Variants in RGL1 observed in about 807,000 individuals in gnomAD.
RGL1 encodes ral guanine nucleotide dissociation stimulator-like 1.
RGL1 carries 24 observed loss-of-function variants against 95.2 expected under a neutral mutation model. The observed-to-expected ratio is 0.25, with a 90% CI of 0.18 to 0.35. RGL1 has a LOEUF of 0.35. Among genes scored for constraint, RGL1 ranks in the 10% least tolerant of loss-of-function variants. RGL1 has a pLI of 1.00. For synonymous variants in RGL1, 329 were observed against 344.9 expected (o/e 0.95, Z 0.51); for missense variants, 715 against 936.3 (o/e 0.76, Z 3.08).
At chr1:183,650,430 T>C (rs141962660) in intron 1 of RGL1, among the ~76,000 whole-genome samples, 12,439 of 151,890 alleles carry the variant, frequency 0.082, 1,003 homozygotes, top group African/African-American at 0.21. Flanking sequence ...GTAGTCCCAG[T>C]TACTCGGGAG....
rs1669647809 is a variant in RGL1 at position 183,926,966 on chromosome 1, C to T, written c.*674C>T. 6.6e-6 allele frequency: 1 copy of T among 152,610 alleles called. No homozygotes were observed. Among genetic ancestry groups the T allele is most frequent in the Admixed American group, 6.5e-5 (1 of 15,282 alleles). 9.5% of individuals were successfully genotyped at this position (152,610 alleles called of 1,614,324 possible). A position where few individuals can be genotyped will look rare whatever the true frequency, so the allele number is the denominator to read the frequency against. On this transcript the variant is annotated 3_prime_UTR_variant, in exon 18 of 18. Coordinates refer to ENST00000360851, the MANE Select transcript of RGL1 (RefSeq NM_001297671.3). ...CCACTTTCTGCTACCCTAGGGAGGC[C>T]AGGAGGAGCTTCGGAGGACCATCGC... is the stretch of plus-strand genomic sequence containing the variant.
At chr1:183,654,737 A>G (rs1651021126) in intron 1 of RGL1, among the ~76,000 whole-genome samples, 1 of 152,224 alleles carries the variant, frequency 6.6e-6, no homozygotes. Flanking sequence ...GTTAAGCCTA[A>G]AGAAACAGGA....
At chr1:183,641,955 ATAAT>A (rs1247246316) in intron 1 of RGL1, among the ~76,000 whole-genome samples, 1 of 152,230 alleles carries the variant, frequency 6.6e-6, no homozygotes, top group African/African-American at 2.4e-5. Flanking sequence ...ATATTTTCTT[ATAAT>A]TATTTTAGTA....
intron 2 of RGL1, among the ~76,000 whole-genome samples, chr1:183,828,317 C>T (rs577484737): frequency 4.6e-5 from 7 of 152,302 alleles, no homozygotes; most frequent in East Asian, 1.9e-4. Flanking sequence ...AATTTGCCTA[C>T]GATGATGTCT....
chr1:183,796,458 G>A (rs766644090), intron 2 of RGL1, among the ~76,000 whole-genome samples: 5 of 152,158 alleles, frequency 3.3e-5, no homozygotes, highest in East Asian at 3.9e-4. Flanking sequence ...CTCTGTGCCC[G>A]GCCTGTATCC....
Position 183,859,346 on chromosome 1 carries a change from A to T in RGL1, c.348-6650A>T, listed in dbSNP as rs533189201. On this transcript the variant is annotated intron_variant, in intron 3 of 17. Transcript: ENST00000360851. Reference sequence around the variant, plus strand: ...ACTTAAATAATTTTAAATCTGCGTGAGATATAAGTTGTGGCAGGAGAGAAC... The same window carrying T: ...ACTTAAATAATTTTAAATCTGCGTGTGATATAAGTTGTGGCAGGAGAGAAC... Among the ~76,000 whole-genome samples, 5 of 152,312 alleles carry T rather than the reference A, an allele frequency of 3.3e-5. No homozygotes were observed. The South Asian group carries it at 1.0e-3, about 32-fold the overall frequency.
rs189599701 is a variant in RGL1 at position 183,918,900 on chromosome 1, G to A, written c.2004+2199G>A. Among the ~76,000 whole-genome samples, 7 of 152,296 alleles carry A rather than the reference G, an allele frequency of 4.6e-5. No individual in the cohort carries two copies. In the East Asian group the frequency reaches 5.8e-4, roughly 13 times the overall value. ...TCAGGAGAAACCTTGCTCACAGGAC[G>A]TACCTTTCTGAAATGTATTATGCTG... On this transcript the variant is annotated intron_variant, in intron 16 of 17. Transcript: ENST00000360851.
chr1:183,685,862 C>A (rs577505362), intron 1 of RGL1, among the ~76,000 whole-genome samples: 2 of 152,216 alleles, frequency 1.3e-5, no homozygotes, highest in East Asian at 1.9e-4. Flanking sequence ...TAATGTTTAC[C>A]TATTCATTAG....
At chr1:183,659,203 C>T (rs1226455298) in intron 1 of RGL1, among the ~76,000 whole-genome samples, 13 of 152,282 alleles carry the variant, frequency 8.5e-5, no homozygotes, top group African/African-American at 2.4e-4. Context: ...CAAAGCTGGA[C>T]GGAGAATGAC....
At chr1:183,785,033 A>G (rs1222204184) in intron 2 of RGL1, among the ~76,000 whole-genome samples, 1 of 152,198 alleles carries the variant, frequency 6.6e-6, no homozygotes, top group Non-Finnish European at 1.5e-5. Context: ...GTTAAAATTT[A>G]TAAGCGGCTC....
rs551008973 is a variant in RGL1, at chr1:183,668,935, C to CTTTTTTTTT, written c.-33+32438_-33+32439insTTTTTTTTT. Among the ~76,000 whole-genome samples the CTTTTTTTTT allele has an allele frequency of 7.8e-5, 9 of 115,556 alleles. 3 individuals carry two copies. The highest frequency in any genetic ancestry group is 1.1e-4 in the Non-Finnish European group (6 of 55,452). The allele number at this position is 115,556 out of a possible 152,430, so 75.8% of individuals were successfully genotyped here. A position where few individuals can be genotyped will look rare whatever the true frequency, so the allele number is the denominator to read the frequency against. ...CTTTTTGCTTTTGGTATTGGACTTT[C>CTTTTTTTTT]TTTTCTTTTTTTTTTTTTTTGAGAT... On this transcript the variant is annotated intron_variant, in intron 1 of 18. Transcript: ENST00000304685.
At chr1:183,637,767 T>A (rs1649649622) in intron 1 of RGL1, among the ~76,000 whole-genome samples, 2 of 152,186 alleles carry the variant, frequency 1.3e-5, no homozygotes, top group East Asian at 3.8e-4. Context: ...CTGGTAAAAA[T>A]TCTCTTAGGA....
chr1:183,835,286 C>T (rs557797391), intron 2 of RGL1, among the ~76,000 whole-genome samples: 6 of 151,954 alleles, frequency 3.9e-5, no homozygotes, highest in Non-Finnish European at 7.4e-5. Flanking sequence ...TGGCTGTATC[C>T]CATAATCAAT....
intron 1 of RGL1, among the ~76,000 whole-genome samples, chr1:183,721,263 G>C (rs577869172): frequency 1.3e-5 from 2 of 152,248 alleles, no homozygotes; most frequent in East Asian, 3.9e-4. Flanking sequence ...TTATTTTCCT[G>C]TTTCCTCTGT....
At chr1:183,674,544 G>A (rs1332109472) in intron 1 of RGL1, among the ~76,000 whole-genome samples, 1 of 152,178 alleles carries the variant, frequency 6.6e-6, no homozygotes, top group Non-Finnish European at 1.5e-5. Flanking sequence ...ACTCTTGGCA[G>A]CCTTGATGGA....
intron 3 of RGL1, among the ~76,000 whole-genome samples, chr1:183,851,975 T>G (rs1224211952): frequency 6.6e-6 from 1 of 152,256 alleles, no homozygotes; most frequent in Non-Finnish European, 1.5e-5. Context: ...TAGACTTGTT[T>G]ATGGGTCTCT....
chr1:183,736,896 C>G (rs532050928), intron 1 of RGL1, among the ~76,000 whole-genome samples: 1 of 152,002 alleles, frequency 6.6e-6, no homozygotes, highest in African/African-American at 2.4e-5. Flanking sequence ...ATAAGAAGCA[C>G]CAAATCATTT....
chr1:183,773,579 C>A (rs1475617557), intron 2 of RGL1, among the ~76,000 whole-genome samples: 2 of 152,166 alleles, frequency 1.3e-5, no homozygotes, highest in Non-Finnish European at 2.9e-5. Flanking sequence ...TACTTGCCAA[C>A]AATAGGAACC....
At position 183,887,439 on chromosome 1, in the gene RGL1, A is replaced by G. The variant is rs1430334404; in HGVS notation, c.952-1035A>G. On this transcript the variant is annotated intron_variant, in intron 7 of 17. Transcript: ENST00000360851. ...TGAAATGATTCTCGAAGTGATTTAC[A>G]TTTATGCCCAATCACTCTGGGACTT... Among the ~76,000 whole-genome samples the G allele has an allele frequency of 2.6e-5, 4 of 152,138 alleles. No individual in the cohort carries two copies. The South Asian group carries it at 6.2e-4, about 24-fold the overall frequency.
Sources: allele counts gnomAD v4.1 joint callset (sites outside exome capture counted in the v4.1 genomes callset), GRCh38; gene constraint gnomAD v4.1.1; transcripts MANE v1.5; gene names NCBI Gene and HGNC (gene_info 2026-07-23, HGNC 2026-07-21).